The following MAP3K15 variants were observed in gnomAD, a reference collection of about 807,000 sequenced individuals.
MAP3K15 encodes the protein MAPK/ERK kinase kinase 15.
In MAP3K15, 124 loss-of-function variants were observed where a neutral mutation model predicts 99.5. The observed-to-expected ratio is 1.25, with a 90% confidence interval of 1.08 to 1.45. The LOEUF (loss-of-function observed/expected upper bound fraction) is 1.45. Among genes scored for constraint, MAP3K15 ranks in the 40% most tolerant of loss-of-function variants. The probability of loss-of-function intolerance (pLI) is 0.00; values close to 1 mark genes in which losing one functional copy is unlikely to be tolerated. For synonymous variants in MAP3K15, 494 were observed against 439.6 expected, an observed-to-expected ratio of 1.12 and a Z score of -1.55; for missense variants, 1,242 against 1,079.7, an observed-to-expected ratio of 1.15 and a Z score of -2.11.
chrX:19,422,277 C>G (rs750809606), intron 9 of MAP3K15, among the ~76,000 whole-genome samples: 16 of 111,585 alleles, frequency 1.4e-4, no homozygotes, highest in African/African-American at 5.2e-4. Context: ...TTGCAATCTA[C>G]TCATCTGACA....
chrX:19,366,817 T>C (rs2063337993), intron 25 of MAP3K15, among the ~76,000 whole-genome samples: 1 of 112,311 alleles, frequency 8.9e-6, no homozygotes, highest in South Asian at 3.7e-4. Context: ...TTTACGTCAA[T>C]GCCATTCACA....
chrX:19,438,166 G>GT (rs1346429928), intron 6 of MAP3K15, among the ~76,000 whole-genome samples: 8 of 111,805 alleles, frequency 7.2e-5, no homozygotes, highest in African/African-American at 2.6e-4. Flanking sequence ...AATGCACTGA[G>GT]TGGTGTGATC....
intron 11 of MAP3K15, among the ~76,000 whole-genome samples, chrX:19,410,258 T>C (rs1015527141): frequency 4.3e-4 from 48 of 112,716 alleles, no homozygotes; most frequent in African/African-American, 1.5e-3. Flanking sequence ...TGAGTGGCTT[T>C]TCATCTTCTG....
At position 19,392,452 on chromosome X, in the gene MAP3K15, C is replaced by T. The variant is rs2063534745; in HGVS notation, c.2216G>A (p.Arg739Gln). 3 of 1,207,372 alleles carry T rather than the reference C, an allele frequency of 2.5e-6. No homozygotes were observed. Among genetic ancestry groups the T allele is most frequent in the African/African-American group, 1.8e-5 (1 of 56,983 alleles). ...TTCCTTCATCGGCCCCCATTTGGAT[C>T]GCAGAAGAGCAGAAAGGCTTCCTAG... The part of the protein sequence containing the change: ...VPGGSLSALL[R>Q]SKWGPMKEPT... The change falls in exon 17 of 29, where the codon CGA (arginine) becomes CAA (glutamine). Residue 739 changes from arginine to glutamine, a missense_variant. Coordinates refer to ENST00000338883, the MANE Select transcript of MAP3K15 (RefSeq NM_001001671.4).
intron 3 of MAP3K15, among the ~76,000 whole-genome samples, chrX:19,479,652 T>C (rs1409490970): frequency 8.9e-6 from 1 of 112,380 alleles, no homozygotes; most frequent in African/African-American, 3.2e-5. Context: ...CTATGTACAC[T>C]AGTGGCAAAG....
chrX:19,485,036 AGGTGGCT>A (rs2064313628), intron 3 of MAP3K15, among the ~76,000 whole-genome samples: 1 of 111,045 alleles, frequency 9.0e-6, no homozygotes, highest in Admixed American at 9.6e-5. Context: ...AGGCTGGGTG[AGGTGGCT>A]CACGCCTGTA....
intron 4 of MAP3K15, among the ~76,000 whole-genome samples, chrX:19,461,806 C>T (rs767964886): frequency 9.0e-6 from 1 of 110,548 alleles, no homozygotes; most frequent in African/African-American, 3.3e-5. Flanking sequence ...GCCTGGCCAA[C>T]GTGGTGAAAC....
At chrX:19,364,914 A>AAAAAAAAC (rs2063323767) in intron 25 of MAP3K15, among the ~76,000 whole-genome samples, 1 of 103,786 alleles carries the variant, frequency 9.6e-6, no homozygotes, top group African/African-American at 3.6e-5. Flanking sequence ...AAAAAAAAAA[A>AAAAAAAAC]TTCTTTGGGC....
intron 1 of MAP3K15, among the ~76,000 whole-genome samples, chrX:19,492,274 T>C (rs1323672689): frequency 9.1e-6 from 1 of 110,445 alleles, no homozygotes; most frequent in East Asian, 2.8e-4. Context: ...CATCCACCCC[T>C]CCCTCCCTGT....
At chrX:19,392,317 C>A in intron 17 of MAP3K15, 26 bp downstream of exon 17, 1 of 1,197,000 alleles carries the variant, frequency 8.4e-7, no homozygotes, top group Non-Finnish European at 1.1e-6. Flanking sequence ...GCAAAGGCAA[C>A]CTCGTCAGCT....
At chrX:19,452,726 CAGAG>C (rs1369938664) in intron 6 of MAP3K15, among the ~76,000 whole-genome samples, 1 of 112,416 alleles carries the variant, frequency 8.9e-6, no homozygotes, top group Non-Finnish European at 1.9e-5. Flanking sequence ...ATAAAGCAGT[CAGAG>C]AAAGACAAAC....
At chrX:19,419,396 C>G (rs1453336110) in intron 9 of MAP3K15, among the ~76,000 whole-genome samples, 1 of 108,370 alleles carries the variant, frequency 9.2e-6, no homozygotes, top group Non-Finnish European at 1.9e-5. Flanking sequence ...ATCCTAGTCT[C>G]TGATAAAACA....
intron 3 of MAP3K15, among the ~76,000 whole-genome samples, chrX:19,476,085 T>C (rs2064240829): frequency 8.9e-6 from 1 of 112,442 alleles, no homozygotes; most frequent in South Asian, 3.7e-4. Flanking sequence ...TGTCTGAGTT[T>C]GTACCAGCGA....
At chrX:19,493,538 T>TTA (rs1355694414) in intron 1 of MAP3K15, among the ~76,000 whole-genome samples, 1 of 111,393 alleles carries the variant, frequency 9.0e-6, no homozygotes, top group African/African-American at 3.3e-5. Flanking sequence ...AGCATCTGAT[T>TTA]TATAAATTGT....
At chrX:19,404,923 A>G (rs1378547786) in intron 13 of MAP3K15, among the ~76,000 whole-genome samples, 2 of 111,979 alleles carry the variant, frequency 1.8e-5, no homozygotes, top group African/African-American at 6.5e-5. Context: ...CTCTTGGAAG[A>G]AAACATAAAA....
chrX:19,362,364 T>C (rs1176211929), intron 26 of MAP3K15, among the ~76,000 whole-genome samples: 2 of 108,093 alleles, frequency 1.9e-5, no homozygotes, highest in Non-Finnish European at 3.8e-5. Flanking sequence ...CCTAAGTAGC[T>C]AGGACTACAG....
At chrX:19,418,736 T>A (rs1029812767) in intron 9 of MAP3K15, among the ~76,000 whole-genome samples, 2 of 110,793 alleles carry the variant, frequency 1.8e-5, no homozygotes, top group Non-Finnish European at 3.8e-5. Flanking sequence ...CACATAATTG[T>A]CAGATTCACC....
intron 6 of MAP3K15, among the ~76,000 whole-genome samples, chrX:19,436,668 C>T (rs756277916): frequency 1.8e-5 from 2 of 111,137 alleles, no homozygotes; most frequent in Non-Finnish European, 3.8e-5. Flanking sequence ...TTAACGTGTC[C>T]CAAATCAAAC....
At chrX:19,372,520 C>T in intron 22 of MAP3K15, 133 bp downstream of exon 22, 2 of 550,800 alleles carry the variant, frequency 3.6e-6, no homozygotes, top group South Asian at 3.8e-5. Context: ...GTTAGGGAAA[C>T]ATTTACAGTG....
Sources: gnomAD v4.1 joint callset for allele counts (sites outside exome capture counted in the v4.1 genomes callset) on GRCh38, gnomAD v4.1.1 for gene constraint, MANE v1.5 for transcripts, NCBI Gene and HGNC (gene_info 2026-07-23, HGNC 2026-07-21) for gene names.